The following TAF1 variants were observed in gnomAD, a reference collection of about 807,000 sequenced individuals.
TAF1 encodes the protein TATA-box binding protein associated factor 1, also known as transcription initiation factor TFIID subunit 1.
Under a neutral mutation model 138.5 loss-of-function variants are expected in TAF1, and 2 were observed. The ratio of observed to expected loss-of-function variants is 0.01; its 90% CI spans 0.01 to 0.05. The LOEUF (loss-of-function observed/expected upper bound fraction) is 0.05, where lower values mean the gene tolerates loss of function less well. TAF1 is among the 10% of genes least tolerant of loss of function. The probability of loss-of-function intolerance (pLI) is 1.00; values close to 1 mark genes in which losing one functional copy is unlikely to be tolerated. For synonymous variants in TAF1, 437 were observed against 503.2 expected, an observed-to-expected ratio of 0.87 and a Z score of 1.76; for missense variants, 709 against 1,478.0, an observed-to-expected ratio of 0.48 and a Z score of 8.53.
intron 13 of TAF1, among the ~76,000 whole-genome samples, chrX:71,503,734 G>A (rs1293510461): frequency 9.2e-6 from 1 of 109,074 alleles, no homozygotes; most frequent in African/African-American, 3.4e-5. Flanking sequence ...TCTTTTACTT[G>A]TCATCATAAT....
intron 24 of TAF1, among the ~76,000 whole-genome samples, chrX:71,400,339 C>T (rs760892269): frequency 8.9e-6 from 1 of 111,754 alleles, no homozygotes; most frequent in Non-Finnish European, 1.9e-5. Flanking sequence ...GATCCTCCCA[C>T]CTTGGCCTCC....
intron 13 of TAF1, chrX:71,491,102 G>T (rs1272314838): frequency 1.0e-5 from 1 of 99,987 alleles, no homozygotes; most frequent in African/African-American, 3.8e-5. Context: ...GAGTGGAGAA[G>T]GAACAAAGAA....
intron 23 of TAF1, 100 bp downstream of exon 23, chrX:71,397,566 T>C (rs1195926920): frequency 4.1e-6 from 4 of 966,160 alleles, no homozygotes; most frequent in Non-Finnish European, 5.8e-6. Flanking sequence ...CATTGCAACC[T>C]CCATCTCTCA....
At chrX:71,504,723 C>T (rs7053121) in intron 13 of TAF1, among the ~76,000 whole-genome samples, 458 of 44,504 alleles carry the variant, frequency 0.01, 7 homozygotes, top group African/African-American at 0.041. Flanking sequence ...GCCTGGGTGA[C>T]AGAATGAGAC....
At chrX:71,460,322 G>A (rs1251136461) in intron 36 of TAF1, among the ~76,000 whole-genome samples, 1 of 112,589 alleles carries the variant, frequency 8.9e-6, no homozygotes, top group Admixed American at 9.4e-5. Flanking sequence ...GAAAAATCCT[G>A]TTTGGGGATA....
intron 1 of TAF1, among the ~76,000 whole-genome samples, chrX:71,366,705 C>G (rs1455623656): frequency 9.0e-6 from 1 of 111,183 alleles, no homozygotes; most frequent in East Asian, 2.8e-4. Context: ...GAGGCGAGCC[C>G]GGGGCCAGGG....
chrX:71,493,895 C>A (rs1245822365), intron 13 of TAF1, among the ~76,000 whole-genome samples: 1 of 111,688 alleles, frequency 9.0e-6, no homozygotes, highest in Non-Finnish European at 1.9e-5. Flanking sequence ...TATTTGAGAG[C>A]CCAGGAATTT....
intron 3 of TAF1, among the ~76,000 whole-genome samples, chrX:71,369,367 A>G (rs1467206687): frequency 8.9e-6 from 1 of 111,878 alleles, no homozygotes; most frequent in Non-Finnish European, 1.9e-5. Context: ...GCTACATTGT[A>G]GAATCAAAAC....
chrX:71,524,940 C>CA (rs372754714), intron 13 of TAF1, among the ~76,000 whole-genome samples: 14,985 of 55,120 alleles, frequency 0.27, 1,506 homozygotes, highest in East Asian at 0.55. Flanking sequence ...GACTCTGTCT[C>CA]AAAAAAAAAA....
At chrX:71,525,565 A>G (rs2039985856) in intron 13 of TAF1, among the ~76,000 whole-genome samples, 1 of 112,097 alleles carries the variant, frequency 8.9e-6, no homozygotes, top group Admixed American at 9.5e-5. Flanking sequence ...GGGGATAACC[A>G]CCTCCAATTA....
chrX:71,448,776 G>T (rs1001965892), intron 32 of TAF1, among the ~76,000 whole-genome samples: 3 of 108,539 alleles, frequency 2.8e-5, no homozygotes, highest in Non-Finnish European at 5.8e-5. Flanking sequence ...TATTCTAGAG[G>T]TATTAGTGGA....
intron 22 of TAF1, 26 bp from the exon 23 acceptor site, chrX:71,397,227 G>A (rs769901400): frequency 8.3e-7 from 1 of 1,198,355 alleles, no homozygotes; most frequent in Non-Finnish European, 1.1e-6. Flanking sequence ...GGGAACGTTT[G>A]GAAATCTTTT....
chrX:71,380,144 G>A (rs1208304963), intron 8 of TAF1, among the ~76,000 whole-genome samples: 1 of 111,155 alleles, frequency 9.0e-6, no homozygotes, highest in African/African-American at 3.3e-5. Context: ...GTGTGTGTAT[G>A]TAGTTGAGCT....
chrX:71,452,099 CG>C (rs1246544415), intron 32 of TAF1, among the ~76,000 whole-genome samples: 5 of 88,264 alleles, frequency 5.7e-5, no homozygotes, highest in Non-Finnish European at 9.0e-5. Context: ...GCTGGCCGGG[CG>C]GGGGGCTGAC....
At chrX:71,454,578 G>A (rs1028811656) in intron 33 of TAF1, among the ~76,000 whole-genome samples, 163 bp from the exon 34 acceptor site, 6 of 111,351 alleles carry the variant, frequency 5.4e-5, no homozygotes, top group Non-Finnish European at 9.4e-5. Context: ...CCCCAACTCC[G>A]CATCCCCTGT....
Position 71,460,894 on chromosome X carries a change from A to G in TAF1, c.5399+91A>G, listed in dbSNP as rs763575333. On this transcript the variant is annotated intron_variant, in intron 37 of 37. Transcript: ENST00000423759. ...ACATCAGATTACTTTTCATCCATCA[A>G]ACATTTCCTGGGCACCTACTAGGGC... 10 of 1,122,992 alleles carry G rather than the reference A, an allele frequency of 8.9e-6. No individual in the cohort carries two copies. In the Middle Eastern group the frequency reaches 7.2e-4, roughly 81 times the overall value. 92.5% of individuals were successfully genotyped at this position (1,122,992 alleles called of 1,213,427 possible). A position where few individuals can be genotyped will look rare whatever the true frequency, so the allele number is the denominator to read the frequency against.
intron 13 of TAF1, among the ~76,000 whole-genome samples, chrX:71,525,974 CTA>C (rs1247740244): frequency 3.6e-5 from 4 of 110,927 alleles, no homozygotes; most frequent in Non-Finnish European, 7.5e-5. Flanking sequence ...CACAAAATAA[CTA>C]TTTTTTAAAT....
intron 32 of TAF1, among the ~76,000 whole-genome samples, chrX:71,432,761 G>T (rs1165601792): frequency 8.9e-6 from 1 of 111,800 alleles, no homozygotes; most frequent in African/African-American, 3.3e-5. Context: ...CAGTTTGGGG[G>T]AATATCTCAG....
intron 32 of TAF1, among the ~76,000 whole-genome samples, 176 bp from the exon 33 acceptor site, chrX:71,453,994 G>A (rs1370951866): frequency 2.7e-5 from 3 of 112,018 alleles, no homozygotes; most frequent in Non-Finnish European, 5.6e-5. Context: ...CATTATGTTA[G>A]TGTTGTATTG....
Sources: gnomAD v4.1 joint callset for allele counts (sites outside exome capture counted in the v4.1 genomes callset) on GRCh38, gnomAD v4.1.1 for gene constraint, MANE v1.5 for transcripts, NCBI Gene and HGNC (gene_info 2026-07-23, HGNC 2026-07-21) for gene names.